HPSE2: variants seen among roughly 807,000 people sequenced by gnomAD.
The protein encoded by HPSE2 is heparanase 2 (inactive), also known as inactive heparanase-2.
A neutral mutation model predicts 60.5 loss-of-function variants in HPSE2; 38 were observed. That is an observed-to-expected ratio of 0.63 (90% CI 0.48 to 0.82). The LOEUF (loss-of-function observed/expected upper bound fraction) is 0.82, where lower values mean the gene tolerates loss of function less well. HPSE2 is among the 40% of genes least tolerant of loss of function. HPSE2 has a pLI of 0.00. For missense variants in HPSE2, 713 were observed against 740.4 expected (o/e 0.96, Z 0.43); for synonymous variants, 295 against 293.2 (o/e 1.01, Z -0.06).
At chr10:98,485,617 C>A (rs1296632473) in intron 10 of HPSE2, among the ~76,000 whole-genome samples, 3 of 152,192 alleles carry the variant, frequency 2.0e-5, no homozygotes, top group African/African-American at 7.2e-5. Context: ...AGAAGAACAT[C>A]GACTCTATCC....
chr10:98,639,917 G>C (rs192541358), intron 7 of HPSE2, among the ~76,000 whole-genome samples: 19 of 152,246 alleles, frequency 1.2e-4, no homozygotes, highest in Admixed American at 1.2e-3. Context: ...ATAGGAACTT[G>C]ACTATCTTGT....
chr10:99,223,545 A>C (rs911645928), intron 2 of HPSE2, among the ~76,000 whole-genome samples: 2 of 152,184 alleles, frequency 1.3e-5, no homozygotes, highest in African/African-American at 4.8e-5. Context: ...TTTTCTAAAT[A>C]TACAGCATAT....
At chr10:99,045,263 T>C (rs908263420) in intron 3 of HPSE2, among the ~76,000 whole-genome samples, 7 of 152,172 alleles carry the variant, frequency 4.6e-5, no homozygotes, top group African/African-American at 1.7e-4. Flanking sequence ...AATTCCTGTG[T>C]AAGCACTGAA....
At chr10:99,125,671 C>T (rs551190743) in intron 3 of HPSE2, among the ~76,000 whole-genome samples, 1 of 152,188 alleles carries the variant, frequency 6.6e-6, no homozygotes. Flanking sequence ...GGAAAACATG[C>T]CTCTGAACAC....
intron 3 of HPSE2, among the ~76,000 whole-genome samples, chr10:98,827,983 C>A (rs1951592301): frequency 6.6e-6 from 1 of 152,178 alleles, no homozygotes; most frequent in Non-Finnish European, 1.5e-5. Context: ...TTGAAAGCTT[C>A]AATTTGAAAA....
chr10:99,306,898 C>T, the HPSE2 span, among the ~76,000 whole-genome samples: 10 of 152,002 alleles, frequency 6.6e-5, no homozygotes, highest in Non-Finnish European at 1.0e-4. Flanking sequence ...TTAGTAGAGA[C>T]GGGGTTTCTC....
At chr10:99,096,076 T>A (rs1356180950) in intron 3 of HPSE2, among the ~76,000 whole-genome samples, 2 of 152,200 alleles carry the variant, frequency 1.3e-5, no homozygotes, top group East Asian at 3.8e-4. Context: ...CTTTGATATA[T>A]CTTCTTCAAA....
chr10:98,824,695 T>A (rs1951502130), intron 3 of HPSE2, among the ~76,000 whole-genome samples: 1 of 152,226 alleles, frequency 6.6e-6, no homozygotes, highest in African/African-American at 2.4e-5. Flanking sequence ...ATTCAGCTTG[T>A]CCATCTGAGG....
chr10:98,604,358 C>T (rs1945519298), intron 9 of HPSE2, among the ~76,000 whole-genome samples: 1 of 151,570 alleles, frequency 6.6e-6, no homozygotes, highest in Admixed American at 6.6e-5. Flanking sequence ...ATGAAGAATG[C>T]CCTTGATAAG....
intron 4 of HPSE2, among the ~76,000 whole-genome samples, chr10:98,727,619 G>A (rs1423852372): frequency 4.0e-5 from 6 of 151,718 alleles, no homozygotes; most frequent in African/African-American, 1.5e-4. Flanking sequence ...TTGCACCATT[G>A]CACTCCAGCC....
At chr10:98,632,523 C>T (rs556941499) in intron 7 of HPSE2, among the ~76,000 whole-genome samples, 2 of 152,186 alleles carry the variant, frequency 1.3e-5, no homozygotes, top group South Asian at 2.1e-4. Flanking sequence ...ACATATCTTT[C>T]AGGTTAGACT....
At chr10:98,755,297 A>C (rs1258925083) in intron 3 of HPSE2, among the ~76,000 whole-genome samples, 1 of 152,206 alleles carries the variant, frequency 6.6e-6, no homozygotes, top group Non-Finnish European at 1.5e-5. Flanking sequence ...ATAATGAAAA[A>C]AGGTTCATTC....
Position 99,228,361 on chromosome 10 carries a change from G to C in HPSE2, c.448+3987C>G, listed in dbSNP as rs1849540487. ...TTTTTTAGCAAAAGAGCAACATGAT[G>C]AATATGACATTTTAGAAATATTAAG... On this transcript the variant is annotated intron_variant, in intron 2 of 11. Coordinates refer to ENST00000370552, the MANE Select transcript of HPSE2 (RefSeq NM_021828.5). 2.0e-5 allele frequency among the ~76,000 whole-genome samples: 3 copies of C among 152,234 alleles called. No homozygotes were observed. The East Asian group carries it at 5.8e-4, about 29-fold the overall frequency.
chr10:99,305,131 T>C, the HPSE2 span, among the ~76,000 whole-genome samples: 5 of 152,150 alleles, frequency 3.3e-5, no homozygotes, highest in Admixed American at 1.3e-4. Flanking sequence ...TTCTGAAAAA[T>C]AGAGAAACTG....
intron 2 of HPSE2, among the ~76,000 whole-genome samples, chr10:99,154,783 C>T (rs371199337): frequency 1.3e-3 from 192 of 151,964 alleles, no homozygotes; most frequent in African/African-American, 4.4e-3. Flanking sequence ...GGACTAAATG[C>T]TCCAATTAAA....
At chr10:99,120,999 T>C (rs1844930486) in intron 3 of HPSE2, among the ~76,000 whole-genome samples, 1 of 152,168 alleles carries the variant, frequency 6.6e-6, no homozygotes, top group Non-Finnish European at 1.5e-5. Context: ...CACAGACACA[T>C]ACATGCGTAT....
chr10:98,678,909 C>T (rs551363171), intron 6 of HPSE2, among the ~76,000 whole-genome samples: 31 of 151,990 alleles, frequency 2.0e-4, no homozygotes, highest in African/African-American at 7.2e-4. Flanking sequence ...CTAAACACCA[C>T]CAAAACAATA....
At chr10:98,810,046 T>C (rs1254281341) in intron 3 of HPSE2, among the ~76,000 whole-genome samples, 1 of 152,188 alleles carries the variant, frequency 6.6e-6, no homozygotes, top group African/African-American at 2.4e-5. Context: ...ATTTCTGCTT[T>C]GTCCAAAGAT....
At chr10:98,510,138 C>CTGA (rs1438281850) in intron 9 of HPSE2, among the ~76,000 whole-genome samples, 1 of 152,170 alleles carries the variant, frequency 6.6e-6, no homozygotes, top group Non-Finnish European at 1.5e-5. Context: ...ATCACATTTA[C>CTGA]TGATAAATAT....
Sources: allele counts gnomAD v4.1 joint callset (sites outside exome capture counted in the v4.1 genomes callset), GRCh38; gene constraint gnomAD v4.1.1; transcripts MANE v1.5; gene names NCBI Gene and HGNC (gene_info 2026-07-23, HGNC 2026-07-21).